IDE: variants seen among roughly 807,000 people sequenced by gnomAD.
IDE encodes the protein insulin degrading enzyme.
A neutral mutation model predicts 133.2 loss-of-function variants in IDE; 58 were observed. The ratio of observed to expected loss-of-function variants is 0.44; its 90% confidence interval spans 0.35 to 0.54. The LOEUF (loss-of-function observed/expected upper bound fraction) is 0.54. Ranked by LOEUF, IDE falls within the 20% of genes least tolerant of loss-of-function variation. IDE has a pLI of 0.00. For synonymous variants in IDE, 396 were observed against 421.3 expected, an observed-to-expected ratio of 0.94 and a Z score of 0.73; for missense variants, 981 against 1,234.0, an observed-to-expected ratio of 0.79 and a Z score of 3.07.
chr10:92,503,154 G>A (rs1848113627), intron 11 of IDE, among the ~76,000 whole-genome samples: 7 of 152,014 alleles, frequency 4.6e-5, no homozygotes, highest in Admixed American at 4.6e-4. Flanking sequence ...TCTAGACTGG[G>A]CACAGTGGCT....
At chr10:92,537,209 T>C (rs1421675106) in intron 2 of IDE, among the ~76,000 whole-genome samples, 157 bp downstream of exon 2, 1 of 152,134 alleles carries the variant, frequency 6.6e-6, no homozygotes, top group Non-Finnish European at 1.5e-5. Context: ...CTGAAACAAC[T>C]GCAGTTTACC....
intron 11 of IDE, among the ~76,000 whole-genome samples, chr10:92,495,955 A>G (rs1311462993): frequency 6.6e-6 from 1 of 151,842 alleles, no homozygotes; most frequent in Admixed American, 6.6e-5. Context: ...GCTCACTGCA[A>G]CCTCCGCCCC....
intron 5 of IDE, among the ~76,000 whole-genome samples, chr10:92,513,105 T>C (rs910062987): frequency 3.3e-5 from 5 of 152,256 alleles, no homozygotes; most frequent in African/African-American, 1.2e-4. Context: ...TTAATTACTA[T>C]ACAACATTAT....
chr10:92,508,584 C>T (rs1848426614), intron 7 of IDE, 144 bp downstream of exon 7: 2 of 600,348 alleles, frequency 3.3e-6, no homozygotes, highest in Non-Finnish European at 5.6e-6. Context: ...AAGGCAACAG[C>T]GTGCCAACAA....
intron 1 of IDE, among the ~76,000 whole-genome samples, 200 bp downstream of exon 1, chr10:92,573,722 C>G (rs1197165060): frequency 6.6e-6 from 1 of 152,250 alleles, no homozygotes; most frequent in Non-Finnish European, 1.5e-5. Context: ...CTGGACCAGG[C>G]CTCTGGCTCC....
intron 11 of IDE, among the ~76,000 whole-genome samples, chr10:92,497,339 A>C (rs1452512911): frequency 6.6e-6 from 1 of 152,216 alleles, no homozygotes; most frequent in East Asian, 1.9e-4. Context: ...GACTGGCAAA[A>C]ATGAAACTGG....
chr10:92,458,508 T>G (rs1326681405), intron 22 of IDE, among the ~76,000 whole-genome samples: 2 of 112,828 alleles, frequency 1.8e-5, no homozygotes, highest in East Asian at 4.5e-4. Flanking sequence ...TTTTTTTTTT[T>G]TTTTTTTTTT....
chr10:92,502,927 T>C (rs1234657253), intron 11 of IDE, among the ~76,000 whole-genome samples: 3 of 152,190 alleles, frequency 2.0e-5, no homozygotes, highest in East Asian at 1.9e-4. Flanking sequence ...AGGCAATAAA[T>C]GGGGACTTAA....
chr10:92,541,189 G>T, intron 1 of IDE: 1 of 285,474 alleles, frequency 3.5e-6, no homozygotes, highest in Non-Finnish European at 7.5e-6. Context: ...AAAAGAAATA[G>T]TAGCAACATT....
At chr10:92,466,863 C>T (rs1248138520) in intron 19 of IDE, among the ~76,000 whole-genome samples, 1 of 151,856 alleles carries the variant, frequency 6.6e-6, no homozygotes, top group Non-Finnish European at 1.5e-5. Flanking sequence ...GGTGATCCAC[C>T]CACCTCAGCC....
At chr10:92,558,047 T>G (rs1204833881) in intron 1 of IDE, among the ~76,000 whole-genome samples, 1 of 152,066 alleles carries the variant, frequency 6.6e-6, no homozygotes, top group Non-Finnish European at 1.5e-5. Context: ...AGCTAAATAA[T>G]TAAACAATAC....
In IDE at chr10:92,547,520, G is replaced by T. The variant is rs898884529; in HGVS notation, c.99-9970C>A. Reference sequence around the variant, plus strand: ...AATGGTTGGGATCAGATGTATTTCAGATTTTCCTGGATTTTTAAATATTTG... The same window carrying T: ...AATGGTTGGGATCAGATGTATTTCATATTTTCCTGGATTTTTAAATATTTG... On this transcript the variant is annotated intron_variant, in intron 1 of 24. Transcript: ENST00000265986. Among the ~76,000 whole-genome samples, 3 of 152,246 alleles carry T rather than the reference G, an allele frequency of 2.0e-5. No homozygotes were observed. In the East Asian group the frequency reaches 5.8e-4, roughly 29 times the overall value.
At chr10:92,550,348 C>G (rs565832050) in intron 1 of IDE, among the ~76,000 whole-genome samples, 1 of 151,974 alleles carries the variant, frequency 6.6e-6, no homozygotes, top group African/African-American at 2.4e-5. Context: ...CTTAAAAAGC[C>G]ACTTCTCCAA....
rs773082018 is a variant in IDE at position 92,464,032 on chromosome 10, C to T, written c.2489-29G>A. On this transcript the variant is annotated intron_variant, in intron 20 of 24. Coordinates refer to ENST00000265986, the MANE Select transcript of IDE (RefSeq NM_004969.4). The stretch of plus-strand genomic sequence containing the variant: ...AAACACAGACATCAGCCAGTCATGA[C>T]CGTGGCATTTGAGACCTGGGTCATT... 2.5e-6 allele frequency: 4 copies of T among 1,587,646 alleles called. No homozygotes were observed. In the African/African-American group the frequency reaches 5.4e-5, roughly 22 times the overall value.
At chr10:92,501,043 A>G (rs1342339258) in intron 11 of IDE, among the ~76,000 whole-genome samples, 5 of 142,776 alleles carry the variant, frequency 3.5e-5, no homozygotes, top group Non-Finnish European at 7.6e-5. Context: ...CCTGTCTCAG[A>G]AAAAAAAAAA....
intron 3 of IDE, among the ~76,000 whole-genome samples, chr10:92,534,220 G>A (rs1850110292): frequency 6.6e-6 from 1 of 152,142 alleles, no homozygotes; most frequent in Non-Finnish European, 1.5e-5. Context: ...TCCTTGAGAA[G>A]CAAGGAAATG....
intron 5 of IDE, 102 bp downstream of exon 5, chr10:92,514,818 A>C (rs1442693851): frequency 1.1e-6 from 1 of 870,386 alleles, no homozygotes; most frequent in African/African-American, 1.7e-5. Context: ...GATGCTGAGC[A>C]AATAAGCAGC....
At chr10:92,528,722 G>A (rs1849759072) in intron 4 of IDE, among the ~76,000 whole-genome samples, 1 of 152,166 alleles carries the variant, frequency 6.6e-6, no homozygotes, top group Admixed American at 6.5e-5. Context: ...ATAATACAAT[G>A]TGTGGTTTTT....
At chr10:92,569,840 T>C (rs893292597) in intron 1 of IDE, among the ~76,000 whole-genome samples, 2 of 152,202 alleles carry the variant, frequency 1.3e-5, no homozygotes, top group Non-Finnish European at 2.9e-5. Flanking sequence ...CCGAGCGCAG[T>C]GGCTCACGCC....
Sources: gnomAD v4.1 joint callset for allele counts (sites outside exome capture counted in the v4.1 genomes callset) on GRCh38, gnomAD v4.1.1 for gene constraint, MANE v1.5 for transcripts, NCBI Gene and HGNC (gene_info 2026-07-23, HGNC 2026-07-21) for gene names.